Variants in ZNF776 observed in about 807,000 individuals in gnomAD.
ZNF776 encodes the protein zinc finger protein 776.
Under a neutral mutation model 7.0 loss-of-function variants are expected in ZNF776, and 4 were observed. The observed-to-expected ratio is 0.57, with a 90% CI of 0.28 to 1.31. The LOEUF (loss-of-function observed/expected upper bound fraction) is 1.31, where lower values mean the gene tolerates loss of function less well. Among genes scored for constraint, ZNF776 ranks in the 50% most tolerant of loss-of-function variants. The pLI is 0.10. For synonymous variants in ZNF776, 212 were observed against 213.7 expected, an observed-to-expected ratio of 0.99 and a Z score of 0.07; for missense variants, 555 against 625.9, an observed-to-expected ratio of 0.89 and a Z score of 1.21.
Position 57,754,662 on chromosome 19 carries a change from C to G in ZNF776, c.1532C>G (p.Thr511Arg). Residue 511 changes from threonine to arginine, a missense_variant, in exon 3 of 3, where the codon ACG becomes AGG. Coordinates refer to ENST00000317178, the MANE Select transcript of ZNF776 (RefSeq NM_173632.4). ...GNLIKHQRVH[T>R]GERHHEC ...CTCATTAAACATCAACGAGTTCACA[C>G]GGGAGAAAGACATCATGAATGTTGA... is the stretch of plus-strand genomic sequence containing the variant. 2.5e-6 allele frequency: 4 copies of G among 1,612,136 alleles called. No individual in the cohort carries two copies. The highest frequency in any genetic ancestry group is 3.4e-6 in the Non-Finnish European group (4 of 1,178,314).
chr19:57,747,766 G>T lies in ZNF776; in HGVS notation c.33+675G>T, dbSNP rs10410765. On this transcript the variant is annotated intron_variant, in intron 1 of 2. Transcript: ENST00000317178. The stretch of plus-strand genomic sequence containing the variant: ...ACTTGCAGAACCTCCGCAGGGAAGC[G>T]GAGGGTGTTATTCCCTCACTGGCCC... 2.6e-5 allele frequency among the ~76,000 whole-genome samples: 4 copies of T among 151,906 alleles called. 1 individual carries two copies. The East Asian group carries it at 5.8e-4, about 22-fold the overall frequency.
rs1056129242 is a variant in ZNF776 at position 57,757,613 on chromosome 19, ATAGT to A, written c.*2928_*2931del. The A allele has an allele frequency of 3.9e-5, 6 of 152,192 alleles. No individual in the cohort carries two copies. The highest frequency in any genetic ancestry group is 1.3e-4 in the Admixed American group (2 of 15,280). The allele number at this position is 152,192 out of a possible 1,614,324, so 9.4% of individuals were successfully genotyped here. ...TTGTCAAAAATAATGTTAAATCCAG[ATAGT>A]TCTTTCAAATTAAATTTTTAAAGCT... On this transcript the variant is annotated 3_prime_UTR_variant, in exon 3 of 3. Transcript: ENST00000317178.
rs1218292002 is a variant in ZNF776, at chr19:57,755,974, T to C, written c.*1287T>C. 1 of 152,204 alleles carries C rather than the reference T, an allele frequency of 6.6e-6. No homozygotes were observed. The highest frequency in any genetic ancestry group is 1.5e-5 in the Non-Finnish European group (1 of 68,046). The allele number at this position is 152,204 out of a possible 1,614,324, so 9.4% of individuals were successfully genotyped here. The stretch of plus-strand genomic sequence containing the variant: ...TGGCCTAGAGCAGAAGTGTCCAATC[T>C]TTTGGCTTTCCTGGTCCACATTGGA... On this transcript the variant is annotated 3_prime_UTR_variant, in exon 3 of 3. Coordinates refer to ENST00000317178, the MANE Select transcript of ZNF776 (RefSeq NM_173632.4).
At chr19:57,753,017 G>A (rs1986650657) in intron 2 of ZNF776, among the ~76,000 whole-genome samples, 1 of 152,224 alleles carries the variant, frequency 6.6e-6, no homozygotes, top group Non-Finnish European at 1.5e-5. Context: ...TTGAAGATAA[G>A]TCTTCTTCAT....
In ZNF776 at chr19:57,754,953, C is replaced by A; in HGVS notation, c.*266C>A. 1 of 441,080 alleles carries A rather than the reference C, an allele frequency of 2.3e-6. No individual in the cohort carries two copies. Among genetic ancestry groups the A allele is most frequent in the Non-Finnish European group, 4.1e-6 (1 of 244,238 alleles). The allele number at this position is 441,080 out of a possible 1,614,324, so 27.3% of individuals were successfully genotyped here. On this transcript the variant is annotated 3_prime_UTR_variant, in exon 3 of 3. Coordinates refer to ENST00000317178, the MANE Select transcript of ZNF776 (RefSeq NM_173632.4). ...TAGTTATGGGGAATTTGGGAAATTA[C>A]CTAACAAGAAGTCCCACCTCACTGA...
At chr19:57,751,873 T>G (rs982935065) in intron 2 of ZNF776, among the ~76,000 whole-genome samples, 7 of 112,340 alleles carry the variant, frequency 6.2e-5, no homozygotes, top group Admixed American at 1.7e-4. Context: ...GTTTTGTTTT[T>G]TTTTTTTTTT....
intron 2 of ZNF776, 95 bp downstream of exon 2, chr19:57,751,006 G>A: frequency 1.4e-6 from 2 of 1,401,874 alleles, no homozygotes; most frequent in Non-Finnish European, 9.5e-7. Flanking sequence ...CACTTCAGGA[G>A]CCTGGGCACA....
In ZNF776 at chr19:57,754,128, G is replaced by A. The variant is rs578119622; in HGVS notation, c.998G>A (p.Arg333His). The change falls in exon 3 of 3, where the codon CGC becomes CAC. Residue 333 changes from arginine (R) to histidine (H), a missense_variant. Physicochemically the swap from Arg to His is conservative, Grantham distance 29. Coordinates refer to ENST00000317178, the MANE Select transcript of ZNF776 (RefSeq NM_173632.4). ...DECGKSFSHKRSLVHHQRVHT... is the reference protein window; with the variant it reads ...DECGKSFSHKHSLVHHQRVHT... Reference sequence around the variant, plus strand: ...TGTGGGAAATCTTTTAGCCATAAGCGCAGCCTTGTTCACCACCAGCGAGTT... The same window carrying A: ...TGTGGGAAATCTTTTAGCCATAAGCACAGCCTTGTTCACCACCAGCGAGTT... 370 of 1,612,910 alleles carry A rather than the reference G, an allele frequency of 2.3e-4. No homozygotes were observed. The highest frequency in any genetic ancestry group is 3.1e-4 in the South Asian group (28 of 91,016).
Position 57,753,697 on chromosome 19 carries a change from G to T in ZNF776, c.567G>T (p.Gly189=). ...LLQQEDIHTS[G]KSNFETKHGI... ...AACAAGAGGACATTCACACTTCAGG[G>T]AAGTCAAACTTTGAAACTAAGCATG... Residue 189 remains glycine (G), a synonymous_variant, in exon 3 of 3, where the codon GGG becomes GGT. Coordinates refer to ENST00000317178, the MANE Select transcript of ZNF776 (RefSeq NM_173632.4). 1 of 1,614,204 alleles carries T rather than the reference G, an allele frequency of 6.2e-7. No homozygotes were observed. Among genetic ancestry groups the T allele is most frequent in the African/African-American group, 1.3e-5 (1 of 75,058 alleles).
At position 57,753,862 on chromosome 19, in the gene ZNF776, C is replaced by G. The variant is rs1419111874; in HGVS notation, c.732C>G (p.Phe244Leu). ...ATGTATGCAGTGATTCTGGGAAATT[C>G]ACTAGCAAAAGTAATAGTTTTAATA... ...GPYVCSDSGK[F>L]TSKSNSFNNH... Residue 244 changes from phenylalanine to leucine, a missense_variant, in exon 3 of 3, where the codon TTC becomes TTG. Coordinates refer to ENST00000317178, the MANE Select transcript of ZNF776 (RefSeq NM_173632.4). The G allele has an allele frequency of 6.2e-7, 1 of 1,614,228 alleles. No homozygotes were observed. Among genetic ancestry groups the G allele is most frequent in the Admixed American group, 1.7e-5 (1 of 60,030 alleles).
Position 57,754,627 on chromosome 19 carries a change from A to G in ZNF776, c.1497A>G (p.Gln499=), listed in dbSNP as rs756327747. ...GAGAATGTGGAAAGTGTTTTCGTCAAAAGGGAAACCTCATTAAACATCAAC... is the reference window on the plus strand; with the variant it reads ...GAGAATGTGGAAAGTGTTTTCGTCAGAAGGGAAACCTCATTAAACATCAAC... The part of the protein sequence containing the change: ...ECGECGKCFR[Q]KGNLIKHQRV... Residue 499 remains glutamine, a synonymous_variant, in exon 3 of 3, where the codon CAA becomes CAG. Coordinates refer to ENST00000317178, the MANE Select transcript of ZNF776 (RefSeq NM_173632.4). 1.2e-6 allele frequency: 2 copies of G among 1,614,148 alleles called. No individual in the cohort carries two copies. Among genetic ancestry groups the G allele is most frequent in the Non-Finnish European group, 1.7e-6 (2 of 1,179,996 alleles).
intron 1 of ZNF776, 25 bp downstream of exon 1, chr19:57,747,116 T>C: frequency 6.3e-7 from 1 of 1,576,926 alleles, no homozygotes; most frequent in East Asian, 2.3e-5. Flanking sequence ...TTCCGTGCCC[T>C]CAGGTCACCT....
chr19:57,751,246 A>T (rs942875784), intron 2 of ZNF776, among the ~76,000 whole-genome samples: 1 of 152,224 alleles, frequency 6.6e-6, no homozygotes, highest in Non-Finnish European at 1.5e-5. Flanking sequence ...GCTCTAGGTG[A>T]CATTTATTCA....
Position 57,757,594 on chromosome 19 carries a change from A to G in ZNF776, c.*2907A>G, listed in dbSNP as rs1463524019. 1 of 152,216 alleles carries G rather than the reference A, an allele frequency of 6.6e-6. No individual in the cohort carries two copies. 9.4% of individuals were successfully genotyped at this position (152,216 alleles called of 1,614,324 possible). ...GTAAAATCACATAACCTATTTGTCA[A>G]AAATAATGTTAAATCCAGATAGTTC... On this transcript the variant is annotated 3_prime_UTR_variant, in exon 3 of 3. Coordinates refer to ENST00000317178, the MANE Select transcript of ZNF776 (RefSeq NM_173632.4).
At position 57,746,924 on chromosome 19, in the gene ZNF776, C is replaced by A; in HGVS notation, c.-135C>A. Reference sequence around the variant, plus strand: ...AGGTGGAGACGAGACGTTGTCCCGACTGCACAGAGGCTGCTCTGCAGCTCC... The same window carrying A: ...AGGTGGAGACGAGACGTTGTCCCGAATGCACAGAGGCTGCTCTGCAGCTCC... On this transcript the variant is annotated 5_prime_UTR_variant, in exon 1 of 3. It adds an upstream start codon to the 5' untranslated region. Transcript: ENST00000317178. The A allele has an allele frequency of 1.2e-6, 1 of 839,532 alleles. No individual in the cohort carries two copies. The highest frequency in any genetic ancestry group is 1.8e-6 in the Non-Finnish European group (1 of 552,730). 52.0% of individuals were successfully genotyped at this position (839,532 alleles called of 1,614,324 possible). A position where few individuals can be genotyped will look rare whatever the true frequency, so the allele number is the denominator to read the frequency against.
chr19:57,750,268 A>C (rs1219116314), intron 1 of ZNF776, among the ~76,000 whole-genome samples: 2 of 150,726 alleles, frequency 1.3e-5, no homozygotes, highest in Non-Finnish European at 3.0e-5. Flanking sequence ...TACCAAAAAT[A>C]CAAAAAAAAA....
At position 57,754,174 on chromosome 19, in the gene ZNF776, T is replaced by C; in HGVS notation, c.1044T>C (p.Tyr348=). 1.9e-6 allele frequency: 3 copies of C among 1,614,170 alleles called. No individual in the cohort carries two copies. Among genetic ancestry groups the C allele is most frequent in the Non-Finnish European group, 2.5e-6 (3 of 1,180,004 alleles). Residue 348 remains tyrosine, a synonymous_variant, in exon 3 of 3, where the codon TAT becomes TAC. Coordinates refer to ENST00000317178, the MANE Select transcript of ZNF776 (RefSeq NM_173632.4). ...HQRVHTGERP[Y]QCGECGKSFN... The stretch of plus-strand genomic sequence containing the variant: ...GAGTTCACACTGGAGAAAGACCTTA[T>C]CAGTGTGGAGAATGTGGGAAATCGT...
rs1259470155 is a variant in ZNF776, at chr19:57,747,073, G to A, written c.15G>A (p.Ala5=). 4.0e-5 allele frequency: 63 copies of A among 1,589,844 alleles called. No homozygotes were observed. Among genetic ancestry groups the A allele is most frequent in the Non-Finnish European group, 5.1e-5 (60 of 1,168,372 alleles). MAAA[A]LRPPAQGTVT... is the part of the protein sequence containing the mutation. The stretch of plus-strand genomic sequence containing the variant: ...CACCCAGTCGGATGGCGGCGGCCGC[G>A]CTGAGGCCCCCGGCTCAGGTAATTG... Residue 5 remains alanine, a synonymous_variant, in exon 1 of 3, where the codon GCG becomes GCA. Transcript: ENST00000317178.
intron 2 of ZNF776, among the ~76,000 whole-genome samples, chr19:57,751,370 T>C (rs1037716395): frequency 2.8e-5 from 4 of 143,896 alleles, no homozygotes; most frequent in African/African-American, 1.0e-4. Context: ...TTTGTTTTGT[T>C]CTGTTTTGTT....
Sources: gnomAD v4.1 joint callset for allele counts (sites outside exome capture counted in the v4.1 genomes callset) on GRCh38, gnomAD v4.1.1 for gene constraint, MANE v1.5 for transcripts, NCBI Gene and HGNC (gene_info 2026-07-23, HGNC 2026-07-21) for gene names.